GABRB1: variants seen among roughly 807,000 people sequenced by gnomAD.
GABRB1 encodes the protein gamma-aminobutyric acid receptor subunit beta-1.
GABRB1 carries 17 observed loss-of-function variants against 51.6 expected under a neutral mutation model. The ratio of observed to expected loss-of-function variants is 0.33; its 90% CI spans 0.23 to 0.49. The LOEUF is 0.49. Ranked by LOEUF, GABRB1 falls within the 20% of genes least tolerant of loss-of-function variation. The pLI is 0.99. For missense variants in GABRB1, 410 were observed against 600.6 expected, an observed-to-expected ratio of 0.68 and a Z score of 3.32; for synonymous variants, 247 against 218.9, an observed-to-expected ratio of 1.13 and a Z score of -1.14.
chr4:47,131,301 G>A (rs547221596), intron 3 of GABRB1, among the ~76,000 whole-genome samples: 1 of 152,192 alleles, frequency 6.6e-6, no homozygotes, highest in South Asian at 2.1e-4. Context: ...TGGGATTACA[G>A]GCACGTGCCA....
At chr4:47,332,864 A>G (rs1725535790) in intron 5 of GABRB1, among the ~76,000 whole-genome samples, 2 of 152,056 alleles carry the variant, frequency 1.3e-5, no homozygotes, top group Admixed American at 1.3e-4. Context: ...AAAGGAAGAA[A>G]TCACTGAAAT....
chr4:47,241,499 C>T (rs778029510), intron 4 of GABRB1, among the ~76,000 whole-genome samples: 2 of 152,180 alleles, frequency 1.3e-5, no homozygotes, highest in Non-Finnish European at 2.9e-5. Flanking sequence ...CCTCTGTATG[C>T]TTCAGGCGAC....
intron 4 of GABRB1, among the ~76,000 whole-genome samples, chr4:47,245,759 T>A (rs952278449): frequency 2.0e-5 from 3 of 151,962 alleles, no homozygotes; most frequent in African/African-American, 7.2e-5. Flanking sequence ...AACCACCATA[T>A]TTTTACATTT....
At chr4:47,219,670 C>T (rs1424793997) in intron 4 of GABRB1, among the ~76,000 whole-genome samples, 2 of 151,758 alleles carry the variant, frequency 1.3e-5, no homozygotes, top group African/African-American at 4.8e-5. Flanking sequence ...CAATCCTATT[C>T]CTCAAACTCT....
chr4:47,314,991 A>G (rs553629589), intron 4 of GABRB1, among the ~76,000 whole-genome samples: 4 of 152,184 alleles, frequency 2.6e-5, no homozygotes, highest in African/African-American at 9.6e-5. Context: ...GAAGACAGCA[A>G]AAGCAATTGC....
chr4:47,229,891 T>C (rs1721075084), intron 4 of GABRB1, among the ~76,000 whole-genome samples: 1 of 152,154 alleles, frequency 6.6e-6, no homozygotes, highest in Admixed American at 6.6e-5. Flanking sequence ...TGCATGCTTT[T>C]CAAAATCTTG....
At chr4:47,036,892 A>G (rs967169813) in intron 3 of GABRB1, among the ~76,000 whole-genome samples, 30 of 152,290 alleles carry the variant, frequency 2.0e-4, no homozygotes, top group Non-Finnish European at 2.1e-4. Context: ...AAAAGAAAGA[A>G]AAGTAAAGAA....
chr4:47,365,496 G>T (rs1055576513), intron 5 of GABRB1, among the ~76,000 whole-genome samples: 1 of 152,096 alleles, frequency 6.6e-6, no homozygotes, highest in African/African-American at 2.4e-5. Flanking sequence ...CCAGCGATTA[G>T]CAACACCAGG....
intron 4 of GABRB1, among the ~76,000 whole-genome samples, chr4:47,286,457 T>A (rs1046734790): frequency 2.0e-5 from 3 of 152,230 alleles, no homozygotes; most frequent in African/African-American, 7.2e-5. Flanking sequence ...TGTTTCCATA[T>A]AAAGCCTTCT....
chr4:47,231,424 ATGATCC>A (rs1353804972), intron 4 of GABRB1, among the ~76,000 whole-genome samples: 1 of 152,158 alleles, frequency 6.6e-6, no homozygotes. Flanking sequence ...ATAGTTTCCA[ATGATCC>A]TGAAATCCAT....
intron 4 of GABRB1, among the ~76,000 whole-genome samples, chr4:47,259,697 A>G (rs969001774): frequency 3.3e-5 from 5 of 152,166 alleles, no homozygotes; most frequent in African/African-American, 7.2e-5. Flanking sequence ...CAGATTTTAT[A>G]GGTTCCAGAA....
At chr4:47,117,611 G>A (rs901932762) in intron 3 of GABRB1, among the ~76,000 whole-genome samples, 1 of 152,106 alleles carries the variant, frequency 6.6e-6, no homozygotes, top group African/African-American at 2.4e-5. Flanking sequence ...ACTAACACTT[G>A]GGTAGCAATA....
At chr4:47,418,538 C>G (rs1442439269) in intron 8 of GABRB1, among the ~76,000 whole-genome samples, 1 of 152,174 alleles carries the variant, frequency 6.6e-6, no homozygotes, top group African/African-American at 2.4e-5. Context: ...AATACCTTCT[C>G]AGCAACATCT....
At chr4:47,040,485 C>A (rs1429257000) in intron 3 of GABRB1, among the ~76,000 whole-genome samples, 1 of 152,126 alleles carries the variant, frequency 6.6e-6, no homozygotes, top group Non-Finnish European at 1.5e-5. Flanking sequence ...GCATCCCCAT[C>A]TATGGTTCCA....
intron 4 of GABRB1, among the ~76,000 whole-genome samples, chr4:47,253,522 C>T (rs1026890670): frequency 6.6e-6 from 1 of 152,042 alleles, no homozygotes; most frequent in Admixed American, 6.6e-5. Flanking sequence ...TTCTCTCTTC[C>T]TCTGATTCCA....
chr4:47,308,089 T>C (rs1266487249), intron 4 of GABRB1, among the ~76,000 whole-genome samples: 1 of 152,020 alleles, frequency 6.6e-6, no homozygotes, highest in African/African-American at 2.4e-5. Context: ...AAATAATATA[T>C]TCATGAAAAT....
intron 3 of GABRB1, among the ~76,000 whole-genome samples, chr4:47,141,730 C>T (rs1716946322): frequency 6.6e-6 from 1 of 151,928 alleles, no homozygotes; most frequent in African/African-American, 2.4e-5. Flanking sequence ...CTTTGATACT[C>T]AGCTTCTTCT....
At chr4:47,148,309 A>T (rs1171101931) in intron 3 of GABRB1, among the ~76,000 whole-genome samples, 1 of 152,008 alleles carries the variant, frequency 6.6e-6, no homozygotes, top group Non-Finnish European at 1.5e-5. Context: ...GGCCAGAGAT[A>T]GTTCCTTTAT....
chr4:47,069,338 A>G (rs1009954953), intron 3 of GABRB1, among the ~76,000 whole-genome samples: 1 of 152,184 alleles, frequency 6.6e-6, no homozygotes, highest in East Asian at 1.9e-4. Flanking sequence ...TCCCCCTTCA[A>G]AAATGAAATT....
Sources: allele counts gnomAD v4.1 joint callset (sites outside exome capture counted in the v4.1 genomes callset), GRCh38; gene constraint gnomAD v4.1.1; transcripts MANE v1.5; gene names NCBI Gene and HGNC (gene_info 2026-07-23, HGNC 2026-07-21).